The following STAU1 variants were observed in gnomAD, a reference collection of about 807,000 sequenced individuals.
STAU1 encodes double-stranded RNA-binding protein Staufen homolog 1.
Under a neutral mutation model 62.9 loss-of-function variants are expected in STAU1, and 13 were observed. The observed-to-expected ratio is 0.21, with a 90% CI of 0.13 to 0.33. The LOEUF (loss-of-function observed/expected upper bound fraction) is 0.33, where lower values mean the gene tolerates loss of function less well. Among genes scored for constraint, STAU1 ranks in the 10% least tolerant of loss-of-function variants. STAU1 has a pLI of 1.00. For synonymous variants in STAU1, 269 were observed against 265.1 expected (o/e 1.01, Z -0.14); for missense variants, 571 against 712.1 (o/e 0.80, Z 2.25).
chr20:49,208,837 T>A, the STAU1 span, among the ~76,000 whole-genome samples: 50,876 of 150,890 alleles, frequency 0.34, 8,649 homozygotes, highest in East Asian at 0.47. Context: ...TTAGCCAGGA[T>A]GGTCTCGATC....
At chr20:49,161,102 T>G (rs765503792) in intron 3 of STAU1, among the ~76,000 whole-genome samples, 3 of 152,050 alleles carry the variant, frequency 2.0e-5, no homozygotes, top group Middle Eastern at 3.4e-3. Flanking sequence ...GCAGATTGTT[T>G]GAGCCCAGCA....
intron 1 of STAU1, among the ~76,000 whole-genome samples, chr20:49,177,448 G>T (rs969075430): frequency 6.6e-6 from 1 of 151,248 alleles, no homozygotes; most frequent in African/African-American, 2.4e-5. Context: ...GGAGGCCGAG[G>T]GTGGCAGATC....
upstream of STAU1, among the ~76,000 whole-genome samples, chr20:49,189,583 G>C (rs2093826419): frequency 7.4e-6 from 1 of 135,492 alleles, no homozygotes; most frequent in African/African-American, 2.9e-5. Context: ...TCACGCCATT[G>C]CACTCCAACC....
At chr20:49,205,323 A>G in the STAU1 span, among the ~76,000 whole-genome samples, 1 of 149,040 alleles carries the variant, frequency 6.7e-6, no homozygotes, top group Admixed American at 6.7e-5. Flanking sequence ...TTATATCCAC[A>G]TATTGCCTGG....
At chr20:49,128,393 A>C (rs754502552) in intron 6 of STAU1, among the ~76,000 whole-genome samples, 5 of 152,138 alleles carry the variant, frequency 3.3e-5, no homozygotes, top group Non-Finnish European at 7.3e-5. Context: ...CCTAACCGAG[A>C]GCCATGGCTC....
At position 49,126,113 on chromosome 20, in the gene STAU1, G is replaced by A. The variant is rs1372868051; in HGVS notation, c.610-1526C>T. On this transcript the variant is annotated intron_variant, in intron 6 of 13. Transcript: ENST00000371856. ...TGCACAACTCTCAGAAGCAAAAACA[G>A]GCGAGTCTTCATGACTTTGGGTTTG... Among the ~76,000 whole-genome samples the A allele has an allele frequency of 3.3e-5, 5 of 151,848 alleles. 1 individual carries two copies. Among genetic ancestry groups the A allele is most frequent in the African/African-American group, 1.2e-4 (5 of 41,210 alleles).
chr20:49,121,315 G>A (rs1200937824), intron 8 of STAU1, among the ~76,000 whole-genome samples: 1 of 152,092 alleles, frequency 6.6e-6, no homozygotes, highest in Non-Finnish European at 1.5e-5. Context: ...GGCTGAGGCA[G>A]GAGAATCACT....
At chr20:49,200,373 C>A in the STAU1 span, among the ~76,000 whole-genome samples, 1,158 of 152,130 alleles carry the variant, frequency 7.6e-3, 16 homozygotes, top group African/African-American at 0.027. Flanking sequence ...CCGACGCGGG[C>A]GGATCACAAG....
chr20:49,207,330 C>T, the STAU1 span, among the ~76,000 whole-genome samples: 1 of 152,142 alleles, frequency 6.6e-6, no homozygotes, highest in Non-Finnish European at 1.5e-5. Flanking sequence ...TCCACTGCCC[C>T]CTTCTGTCCT....
intron 5 of STAU1, among the ~76,000 whole-genome samples, chr20:49,150,019 C>T (rs2093214972): frequency 6.6e-6 from 1 of 152,184 alleles, no homozygotes; most frequent in Non-Finnish European, 1.5e-5. Flanking sequence ...GTGGCATTTC[C>T]TGTTGTGATT....
chr20:49,196,097 C>A, the STAU1 span, among the ~76,000 whole-genome samples: 1 of 147,386 alleles, frequency 6.8e-6, no homozygotes, highest in Non-Finnish European at 1.5e-5. Flanking sequence ...GCACTCCAGC[C>A]TGGGCGACAA....
At chr20:49,141,084 C>G (rs1474151846) in intron 5 of STAU1, among the ~76,000 whole-genome samples, 1 of 151,976 alleles carries the variant, frequency 6.6e-6, no homozygotes, top group Non-Finnish European at 1.5e-5. Context: ...GGTGCTCAGA[C>G]TGTCGTAAGA....
At chr20:49,184,713 C>T (rs2093767045) in intron 1 of STAU1, among the ~76,000 whole-genome samples, 1 of 152,174 alleles carries the variant, frequency 6.6e-6, no homozygotes, top group African/African-American at 2.4e-5. Context: ...GGAAGCACTA[C>T]ACATTTTTAA....
chr20:49,184,746 G>T (rs1286459772), intron 1 of STAU1, among the ~76,000 whole-genome samples: 5 of 152,142 alleles, frequency 3.3e-5, no homozygotes, highest in Non-Finnish European at 5.9e-5. Flanking sequence ...TCCTTTCCCA[G>T]ATACTAAATT....
At chr20:49,183,189 T>C (rs531292665) in intron 1 of STAU1, among the ~76,000 whole-genome samples, 3 of 152,342 alleles carry the variant, frequency 2.0e-5, no homozygotes, top group East Asian at 1.9e-4. Flanking sequence ...TAACCTGTTA[T>C]AGGTCTAGTG....
At chr20:49,116,648 T>C (rs2092333078) in intron 12 of STAU1, among the ~76,000 whole-genome samples, 1 of 152,220 alleles carries the variant, frequency 6.6e-6, no homozygotes, top group African/African-American at 2.4e-5. Context: ...GAGACATTAA[T>C]TTCATGCATG....
chr20:49,183,824 A>G (rs901600331), intron 1 of STAU1, among the ~76,000 whole-genome samples: 2 of 152,228 alleles, frequency 1.3e-5, no homozygotes, highest in Non-Finnish European at 2.9e-5. Flanking sequence ...TACAAACAAG[A>G]GTTAGGTTCT....
In STAU1 at chr20:49,147,316, G is replaced by A. The variant is rs566079610; in HGVS notation, c.510+4266C>T. ...GGATGGCGCTGACTGTTTCAACTCA[G>A]GGTCTAGCACAGCGCCTGGCATGGA... On this transcript the variant is annotated intron_variant, in intron 5 of 13. Coordinates refer to ENST00000371856, the MANE Select transcript of STAU1 (RefSeq NM_017453.4). Among the ~76,000 whole-genome samples, 17 of 152,310 alleles carry A rather than the reference G, an allele frequency of 1.1e-4. No homozygotes were observed. The East Asian group carries it at 3.3e-3, about 29-fold the overall frequency.
the STAU1 span, among the ~76,000 whole-genome samples, chr20:49,210,928 G>A: frequency 6.6e-6 from 1 of 152,054 alleles, no homozygotes; most frequent in Admixed American, 6.6e-5. Context: ...CACTCCAAAA[G>A]GAAACCTGGC....
Sources: gnomAD v4.1 joint callset for allele counts (sites outside exome capture counted in the v4.1 genomes callset) on GRCh38, gnomAD v4.1.1 for gene constraint, MANE v1.5 for transcripts, NCBI Gene and HGNC (gene_info 2026-07-23, HGNC 2026-07-21) for gene names.